Variants in PIGN observed in about 807,000 individuals in gnomAD.
PIGN encodes the protein GPI ethanolamine phosphate transferase 1.
PIGN carries 117 observed loss-of-function variants against 125.4 expected under a neutral mutation model. The ratio of observed to expected loss-of-function variants is 0.93; its 90% CI spans 0.80 to 1.09. The LOEUF (loss-of-function observed/expected upper bound fraction) is 1.09. PIGN is among the 50% of genes least tolerant of loss of function. The pLI, the probability that PIGN is intolerant of heterozygous loss-of-function variation, is 0.00. For synonymous variants in PIGN, 392 were observed against 377.8 expected (o/e 1.04, Z -0.44); for missense variants, 1,075 against 1,094.9 (o/e 0.98, Z 0.26).
chr18:62,160,770 A>G (rs897762330), intron 4 of PIGN, among the ~76,000 whole-genome samples: 1 of 152,152 alleles, frequency 6.6e-6, no homozygotes, highest in Non-Finnish European at 1.5e-5. Flanking sequence ...CAGCCTCCCA[A>G]AGTGCTGGGA....
At chr18:62,048,741 G>A (rs1298367652) in intron 30 of PIGN, among the ~76,000 whole-genome samples, 5 of 145,370 alleles carry the variant, frequency 3.4e-5, no homozygotes, top group South Asian at 4.4e-4. Context: ...TAGGGTACAT[G>A]TGCACAATGT....
intron 14 of PIGN, among the ~76,000 whole-genome samples, chr18:62,131,684 C>A (rs964500943): frequency 6.6e-6 from 1 of 152,062 alleles, no homozygotes; most frequent in Admixed American, 6.6e-5. Flanking sequence ...ATAGGATATG[C>A]AATTACCACA....
intron 1 of PIGN, among the ~76,000 whole-genome samples, chr18:62,166,903 G>C (rs994230636): frequency 2.6e-5 from 4 of 152,064 alleles, no homozygotes; most frequent in Non-Finnish European, 5.9e-5. Flanking sequence ...CTGTAGCAGG[G>C]GTGGAGGACA....
rs2033966357 is a variant in PIGN, at chr18:62,091,636, C to T, written c.2181-1058G>A. On this transcript the variant is annotated intron_variant, in intron 23 of 30. Coordinates refer to ENST00000640252, the MANE Select transcript of PIGN (RefSeq NM_176787.5). The stretch of plus-strand genomic sequence containing the variant: ...AATGATTAAATGTGTGGTACACCTA[C>T]AGGCTGGAGTGTAAAATGGACACAA... Among the ~76,000 whole-genome samples, 3 of 152,180 alleles carry T rather than the reference C, an allele frequency of 2.0e-5. 1 individual carries two copies. The South Asian group carries it at 6.2e-4, about 32-fold the overall frequency.
At chr18:62,168,533 C>T (rs1251118122) in intron 1 of PIGN, among the ~76,000 whole-genome samples, 1 of 152,154 alleles carries the variant, frequency 6.6e-6, no homozygotes, top group Non-Finnish European at 1.5e-5. Context: ...AAGTTATATA[C>T]ACCATGACTC....
chr18:62,048,788 G>C (rs1214492762), intron 30 of PIGN, among the ~76,000 whole-genome samples: 1 of 150,128 alleles, frequency 6.7e-6, no homozygotes, highest in African/African-American at 2.5e-5. Context: ...TGCCATGCTG[G>C]TGTGCTGCAC....
intron 23 of PIGN, among the ~76,000 whole-genome samples, chr18:62,019,186 CA>C (rs1267491077): frequency 6.6e-6 from 1 of 151,754 alleles, no homozygotes; most frequent in Non-Finnish European, 1.5e-5. Flanking sequence ...TCCAAACAAA[CA>C]AAAAAAAGCA....
At chr18:62,065,979 C>T (rs950797091) in intron 30 of PIGN, among the ~76,000 whole-genome samples, 1 of 151,450 alleles carries the variant, frequency 6.6e-6, no homozygotes, top group Non-Finnish European at 1.5e-5. Context: ...TCACTACTTC[C>T]CTGATTTTGC....
At chr18:62,018,701 A>G (rs1351140360) in intron 23 of PIGN, among the ~76,000 whole-genome samples, 2 of 152,138 alleles carry the variant, frequency 1.3e-5, no homozygotes, top group East Asian at 3.9e-4. Context: ...GAAGCAGTAC[A>G]TTTTCCAAGG....
chr18:62,169,679 C>T (rs905823023), intron 1 of PIGN, among the ~76,000 whole-genome samples: 12 of 151,502 alleles, frequency 7.9e-5, no homozygotes, highest in African/African-American at 2.7e-4. Context: ...GCAGTGCAGT[C>T]GTACGATCAC....
chr18:62,047,758 C>T (rs1319054890), intron 30 of PIGN, among the ~76,000 whole-genome samples: 1 of 152,044 alleles, frequency 6.6e-6, no homozygotes, highest in Non-Finnish European at 1.5e-5. Flanking sequence ...TAACCAAATA[C>T]CCAAAATGTC....
At position 62,060,188 on chromosome 18, in the gene PIGN, C is replaced by T. The variant is rs114658268; in HGVS notation, c.2672+12485G>A. 1.3e-3 allele frequency among the ~76,000 whole-genome samples: 197 copies of T among 152,304 alleles called. 2 individuals carry two copies. The highest frequency in any genetic ancestry group is 4.4e-3 in the African/African-American group (183 of 41,562). ...TCAATCAAGTCTTGGTGTCATCTCG[C>T]CATAGCAGAGTTAAAGGAACATCAA... On this transcript the variant is annotated intron_variant, in intron 30 of 30. Transcript: ENST00000640252.
chr18:62,125,787 CT>C (rs555342532), intron 14 of PIGN, among the ~76,000 whole-genome samples: 3 of 151,892 alleles, frequency 2.0e-5, no homozygotes, highest in African/African-American at 7.2e-5. Context: ...TACGAAAAAA[CT>C]TTTTTAAGTC....
Position 62,090,364 on chromosome 18 carries a change from T to C in PIGN, c.2283+112A>G, listed in dbSNP as rs2033899228. 3 of 621,672 alleles carry C rather than the reference T, an allele frequency of 4.8e-6. No individual in the cohort carries two copies. In the South Asian group the frequency reaches 6.5e-5, roughly 13 times the overall value. The allele number at this position is 621,672 out of a possible 1,614,324, so 38.5% of individuals were successfully genotyped here. On this transcript the variant is annotated intron_variant, in intron 24 of 30. Coordinates refer to ENST00000640252, the MANE Select transcript of PIGN (RefSeq NM_176787.5). ...ATTATTAATGCCAAACAACTAAAACTTTTAACACTAAAATTTTAAGTAGAA... is the reference window on the plus strand; with the variant it reads ...ATTATTAATGCCAAACAACTAAAACCTTTAACACTAAAATTTTAAGTAGAA...
At chr18:62,095,451 T>C (rs1296375983) in intron 23 of PIGN, among the ~76,000 whole-genome samples, 3 of 142,240 alleles carry the variant, frequency 2.1e-5, no homozygotes, top group African/African-American at 5.1e-5. Context: ...CTGTGAGATA[T>C]GTAAGATTAA....
At chr18:62,075,555 T>C (rs536231381) in intron 28 of PIGN, 12 of 152,352 alleles carry the variant, frequency 7.9e-5, no homozygotes, top group African/African-American at 2.6e-4. Flanking sequence ...TACTCCATCA[T>C]ATGGATATAC....
intron 30 of PIGN, among the ~76,000 whole-genome samples, chr18:62,062,693 G>C (rs1204422222): frequency 1.3e-5 from 2 of 151,868 alleles, no homozygotes; most frequent in East Asian, 3.9e-4. Context: ...ACCCTGAATT[G>C]CATTAATAAT....
At chr18:62,080,909 G>A (rs995084402) in intron 28 of PIGN, among the ~76,000 whole-genome samples, 2 of 151,792 alleles carry the variant, frequency 1.3e-5, no homozygotes, top group African/African-American at 2.4e-5. Flanking sequence ...CCTTTTTGTG[G>A]TCTCTACCCA....
rs77670482 is a variant in PIGN at position 62,140,525 on chromosome 18, A to G, written c.964-46T>C. On this transcript the variant is annotated intron_variant, in intron 11 of 30. Coordinates refer to ENST00000640252, the MANE Select transcript of PIGN (RefSeq NM_176787.5). ...TTCTAAGAAGTCTATGGACATCAACAAAGAAATTAAATAATGTAATGCAAC... is the reference window on the plus strand; with the variant it reads ...TTCTAAGAAGTCTATGGACATCAACGAAGAAATTAAATAATGTAATGCAAC... The G allele has an allele frequency of 0.039, 36,184 of 931,530 alleles. 1,319 individuals are homozygous for G. The highest frequency in any genetic ancestry group is 0.16 in the African/African-American group (9,787 of 60,338). The allele number at this position is 931,530 out of a possible 1,614,324, so 57.7% of individuals were successfully genotyped here. A position where few individuals can be genotyped will look rare whatever the true frequency, so the allele number is the denominator to read the frequency against.
Sources: allele counts gnomAD v4.1 joint callset (sites outside exome capture counted in the v4.1 genomes callset), GRCh38; gene constraint gnomAD v4.1.1; transcripts MANE v1.5; gene names NCBI Gene and HGNC (gene_info 2026-07-23, HGNC 2026-07-21).